Variants in BIRC6 observed in about 807,000 individuals in gnomAD.
BIRC6 encodes dual E2 ubiquitin-conjugating enzyme/E3 ubiquitin-protein ligase BIRC6.
In BIRC6, 98 loss-of-function variants were observed where a neutral mutation model predicts 503.3. That is an observed-to-expected ratio of 0.19 (90% CI 0.17 to 0.23). BIRC6 has a LOEUF of 0.23. BIRC6 is among the 10% of genes least tolerant of loss of function. The pLI is 1.00. For missense variants in BIRC6, 5,360 were observed against 5,806.0 expected (o/e 0.92, Z 2.50); for synonymous variants, 2,240 against 2,078.7 (o/e 1.08, Z -2.11).
chr2:32,370,114 A>G (rs908244019), intron 1 of BIRC6, among the ~76,000 whole-genome samples: 14 of 150,968 alleles, frequency 9.3e-5, no homozygotes, highest in African/African-American at 3.2e-4. Flanking sequence ...TCAGCATCCT[A>G]AAGGAATAAT....
At chr2:32,422,978 C>T (rs2150148638) in intron 10 of BIRC6, among the ~76,000 whole-genome samples, 1 of 152,256 alleles carries the variant, frequency 6.6e-6, no homozygotes, top group African/African-American at 2.4e-5. Context: ...GCTCTGTTGC[C>T]AAGGCTGGAG....
At position 32,463,869 on chromosome 2, in the gene BIRC6, G is replaced by A. The variant is rs115710743; in HGVS notation, c.4941+488G>A. Reference sequence around the variant, plus strand: ...CTGGGCTGCACAGCAAGATGTGAGCGGTGGGCAAGCAAGCACCACCTGAGC... The same window carrying A: ...CTGGGCTGCACAGCAAGATGTGAGCAGTGGGCAAGCAAGCACCACCTGAGC... On this transcript the variant is annotated intron_variant, in intron 24 of 73. Transcript: ENST00000421745. Among the ~76,000 whole-genome samples the A allele has an allele frequency of 3.3e-3, 507 of 152,278 alleles. 3 individuals are homozygous for A. Among genetic ancestry groups the A allele is most frequent in the African/African-American group, 0.012 (485 of 41,552 alleles).
intron 65 of BIRC6, among the ~76,000 whole-genome samples, chr2:32,569,349 T>C (rs556817823): frequency 2.6e-5 from 4 of 152,182 alleles, no homozygotes; most frequent in African/African-American, 7.2e-5. Context: ...AGGTATTTTG[T>C]TTTAGATTTT....
chr2:32,426,202 A>T (rs1574121031), intron 10 of BIRC6, among the ~76,000 whole-genome samples: 1 of 152,182 alleles, frequency 6.6e-6, no homozygotes, highest in African/African-American at 2.4e-5. Flanking sequence ...TGGTGGTTTA[A>T]TTAATAATAC....
chr2:32,459,849 C>G (rs1455154847), intron 23 of BIRC6, among the ~76,000 whole-genome samples: 9 of 151,528 alleles, frequency 5.9e-5, no homozygotes, highest in Non-Finnish European at 8.8e-5. Flanking sequence ...TCCTCTTAAT[C>G]ATTCCATTCA....
At chr2:32,585,518 TA>T (rs2060968799) in intron 66 of BIRC6, among the ~76,000 whole-genome samples, 2 of 152,256 alleles carry the variant, frequency 1.3e-5, no homozygotes, top group South Asian at 4.1e-4. Flanking sequence ...TAGCTGGGAC[TA>T]CAGGCGCGTG....
intron 15 of BIRC6, among the ~76,000 whole-genome samples, chr2:32,439,036 G>T (rs548835958): frequency 6.6e-6 from 1 of 152,240 alleles, no homozygotes; most frequent in South Asian, 2.1e-4. Context: ...TCCAAAGCCT[G>T]CATGCACATT....
intron 12 of BIRC6, 67 bp downstream of exon 12, chr2:32,431,157 A>G: frequency 1.7e-6 from 1 of 586,634 alleles, no homozygotes; most frequent in Non-Finnish European, 3.0e-6. Flanking sequence ...ACAACGTAGA[A>G]TTCCTAGGTA....
At chr2:32,574,847 C>T in intron 65 of BIRC6, 1 of 368,650 alleles carries the variant, frequency 2.7e-6, no homozygotes, top group Non-Finnish European at 5.2e-6. Context: ...CTCCCAGGTT[C>T]AAACAGTTCT....
At chr2:32,432,572 T>C (rs1252548040) in intron 12 of BIRC6, among the ~76,000 whole-genome samples, 1 of 151,770 alleles carries the variant, frequency 6.6e-6, no homozygotes, top group Non-Finnish European at 1.5e-5. Context: ...ACCTGGGCAA[T>C]ATAGGGAGAC....
intron 6 of BIRC6, 31 bp downstream of exon 6, chr2:32,395,624 C>T (rs368207516): frequency 1.3e-6 from 2 of 1,535,922 alleles, no homozygotes; most frequent in African/African-American, 2.7e-5. Context: ...GCATAATAGG[C>T]TAAGTCAGTC....
chr2:32,495,829 T>C (rs562944734), intron 45 of BIRC6, among the ~76,000 whole-genome samples: 2 of 116,128 alleles, frequency 1.7e-5, no homozygotes, highest in South Asian at 5.5e-4. Flanking sequence ...GATGTCCAAC[T>C]GTTCCTATAT....
Position 32,500,027 on chromosome 2 carries a change from A to C in BIRC6, c.8949A>C (p.Leu2983Phe). ...VQGSPAYVADLVLANQQIMSQ... is the reference protein window; with the variant it reads ...VQGSPAYVADFVLANQQIMSQ... ...GATCGCCTGCATATGTTGCTGACTT[A>C]GTCTTAGCCAACCAACAAATTATGA... The change falls in exon 46 of 74, where the codon TTA (leucine) becomes TTC (phenylalanine). Residue 2983 changes from leucine to phenylalanine, a missense_variant. Around this residue, in one of 16 missense-constraint regions of BIRC6, gnomAD observed 2,299 missense variants for 2,267.2 expected, o/e 1.01. Coordinates refer to ENST00000421745, the MANE Select transcript of BIRC6 (RefSeq NM_016252.4). The C allele has an allele frequency of 1.2e-6, 2 of 1,614,012 alleles. No homozygotes were observed. Among genetic ancestry groups the C allele is most frequent in the Non-Finnish European group, 1.7e-6 (2 of 1,179,892 alleles).
At chr2:32,584,800 A>G (rs2060919774) in intron 66 of BIRC6, among the ~76,000 whole-genome samples, 1 of 152,186 alleles carries the variant, frequency 6.6e-6, no homozygotes, top group African/African-American at 2.4e-5. Context: ...GCAGAAGAAA[A>G]AAACTTAGTA....
Position 32,436,242 on chromosome 2 carries a change from G to GA in BIRC6, c.3631+66dup, listed in dbSNP as rs905884346. The stretch of plus-strand genomic sequence containing the variant: ...ATAATACCACAGTTGTAAAAAAGAC[G>GA]AAAAAAAACTGATCTCAAAAAAAAT... On this transcript the variant is annotated intron_variant, in intron 15 of 73. Transcript: ENST00000421745. 96 of 1,284,142 alleles carry GA rather than the reference G, an allele frequency of 7.5e-5. No individual in the cohort carries two copies. In the Admixed American group the frequency reaches 9.2e-4, roughly 12 times the overall value. 79.5% of individuals were successfully genotyped at this position (1,284,142 alleles called of 1,614,324 possible). A position where few individuals can be genotyped will look rare whatever the true frequency, so the allele number is the denominator to read the frequency against.
chr2:32,463,450 A>G, intron 24 of BIRC6, 69 bp downstream of exon 24: 2 of 1,415,806 alleles, frequency 1.4e-6, no homozygotes, highest in Non-Finnish European at 1.9e-6. Context: ...TACTTTAAAA[A>G]TGACCATTAT....
chr2:32,552,106 T>G (rs1055239858), intron 65 of BIRC6, among the ~76,000 whole-genome samples: 1 of 152,226 alleles, frequency 6.6e-6, no homozygotes. Context: ...CACACTAGTT[T>G]ATGCCTTCCT....
At chr2:32,442,885 C>G (rs114655785) in intron 19 of BIRC6, among the ~76,000 whole-genome samples, 6,411 of 152,104 alleles carry the variant, frequency 0.042, 215 homozygotes, top group Middle Eastern at 0.071. Context: ...TGCCCTGATC[C>G]CCAGGGCATG....
At chr2:32,536,250 G>A (rs573991895) in intron 61 of BIRC6, among the ~76,000 whole-genome samples, 20 of 152,234 alleles carry the variant, frequency 1.3e-4, no homozygotes, top group African/African-American at 4.6e-4. Flanking sequence ...GTCCTATTCT[G>A]TATGTTGCCT....
Sources: gnomAD v4.1 joint callset for allele counts (sites outside exome capture counted in the v4.1 genomes callset) on GRCh38, gnomAD v4.1.1 for gene constraint, gnomAD v4.1.1 regional missense constraint, MANE v1.5 for transcripts, NCBI Gene and HGNC (gene_info 2026-07-23, HGNC 2026-07-21) for gene names.